Variants in PTPN13 observed in about 807,000 individuals in gnomAD.
The protein encoded by PTPN13 is tyrosine-protein phosphatase non-receptor type 13.
Under a neutral mutation model 284.0 loss-of-function variants are expected in PTPN13, and 191 were observed. That is an observed-to-expected ratio of 0.67 (90% CI 0.60 to 0.76). The LOEUF (loss-of-function observed/expected upper bound fraction) is 0.76. PTPN13 is among the 30% of genes least tolerant of loss of function. The pLI, the probability that PTPN13 is intolerant of heterozygous loss-of-function variation, is 0.00. For synonymous variants in PTPN13, 986 were observed against 1,022.3 expected (o/e 0.96, Z 0.68); for missense variants, 2,797 against 2,939.9 (o/e 0.95, Z 1.12).
chr4:86,722,743 T>A (rs1418813424), intron 10 of PTPN13, among the ~76,000 whole-genome samples: 2 of 152,202 alleles, frequency 1.3e-5, no homozygotes, highest in Non-Finnish European at 2.9e-5. Flanking sequence ...GGGATTATTT[T>A]TTCATATTAA....
chr4:86,700,338 A>T (rs971969461), intron 6 of PTPN13, among the ~76,000 whole-genome samples: 1 of 152,140 alleles, frequency 6.6e-6, no homozygotes, highest in Non-Finnish European at 1.5e-5. Flanking sequence ...TGAGTTAGTG[A>T]CTATAAAATA....
At chr4:86,662,529 G>T (rs1044033675) in intron 2 of PTPN13, among the ~76,000 whole-genome samples, 10 of 152,026 alleles carry the variant, frequency 6.6e-5, no homozygotes, top group Non-Finnish European at 1.5e-4. Flanking sequence ...ATGGGATTTT[G>T]CCATGCTGGC....
At chr4:86,596,104 T>TAA (rs1184446606) in intron 1 of PTPN13, among the ~76,000 whole-genome samples, 1 of 152,246 alleles carries the variant, frequency 6.6e-6, no homozygotes, top group African/African-American at 2.4e-5. Flanking sequence ...ACTTTGTTCA[T>TAA]AACATTGTGT....
intron 16 of PTPN13, among the ~76,000 whole-genome samples, chr4:86,742,605 C>A (rs529171168): frequency 2.6e-5 from 4 of 152,248 alleles, no homozygotes; most frequent in African/African-American, 9.6e-5. Context: ...AACCCTGAGA[C>A]CATTCCTAGA....
At chr4:86,651,666 A>G (rs114780014) in intron 2 of PTPN13, among the ~76,000 whole-genome samples, 2,543 of 151,998 alleles carry the variant, frequency 0.017, 29 homozygotes, top group South Asian at 0.035. Flanking sequence ...ATTACTTGTT[A>G]TTGGTCTATT....
intron 20 of PTPN13, among the ~76,000 whole-genome samples, chr4:86,754,572 C>T (rs931312056): frequency 2.6e-5 from 4 of 151,862 alleles, no homozygotes; most frequent in African/African-American, 4.8e-5. Flanking sequence ...GTGGTAGAGC[C>T]GTGATTTGAA....
chr4:86,632,737 G>A (rs984453859), intron 1 of PTPN13, among the ~76,000 whole-genome samples: 11 of 150,866 alleles, frequency 7.3e-5, no homozygotes, highest in African/African-American at 2.7e-4. Flanking sequence ...ACTTCAGGTG[G>A]AACTCTGGGT....
chr4:86,727,890 C>A (rs1734464972), intron 10 of PTPN13, among the ~76,000 whole-genome samples: 1 of 149,230 alleles, frequency 6.7e-6, no homozygotes, highest in South Asian at 2.1e-4. Flanking sequence ...TTCTCTAGTT[C>A]TTTTAATTGT....
At chr4:86,758,829 A>G (rs1200888232) in intron 22 of PTPN13, 44 bp downstream of exon 22, 4 of 1,596,706 alleles carry the variant, frequency 2.5e-6, no homozygotes, top group African/African-American at 2.7e-5. Context: ...TCTGACAGGC[A>G]TGAATTTAGG....
chr4:86,807,169 G>C (rs865904901), intron 44 of PTPN13, among the ~76,000 whole-genome samples: 5 of 152,146 alleles, frequency 3.3e-5, no homozygotes, highest in African/African-American at 1.2e-4. Context: ...GCCTTTCAGT[G>C]CTATTATTAT....
At chr4:86,781,320 A>G (rs1741277743) in intron 36 of PTPN13, among the ~76,000 whole-genome samples, 1 of 152,162 alleles carries the variant, frequency 6.6e-6, no homozygotes, top group South Asian at 2.1e-4. Flanking sequence ...CAGTCTCTTG[A>G]AAATATAATT....
intron 15 of PTPN13, among the ~76,000 whole-genome samples, chr4:86,738,756 C>T (rs1177077412): frequency 6.6e-6 from 1 of 152,294 alleles, no homozygotes. Flanking sequence ...TCTTGGCTCA[C>T]TGCAGCCTCC....
At chr4:86,636,161 A>G (rs1472713744) in intron 2 of PTPN13, among the ~76,000 whole-genome samples, 1 of 152,128 alleles carries the variant, frequency 6.6e-6, no homozygotes, top group Admixed American at 6.5e-5. Context: ...AAGAAAAGTT[A>G]ACCAGGTGAG....
At chr4:86,770,647 G>C (rs1739883399) in intron 30 of PTPN13, among the ~76,000 whole-genome samples, 1 of 152,108 alleles carries the variant, frequency 6.6e-6, no homozygotes, top group Non-Finnish European at 1.5e-5. Context: ...GTATAAGTTG[G>C]TATCAGTTTT....
At position 86,774,478 on chromosome 4, in the gene PTPN13, C is replaced by T; in HGVS notation, c.5455C>T (p.Gln1819Ter). The change falls in exon 33 of 48, where the codon CAG (glutamine) becomes TAG (stop). Residue 1819 changes from glutamine (Q) to a stop codon, truncating the protein, a stop_gained. Coordinates refer to ENST00000411767, the MANE Select transcript of PTPN13 (RefSeq NM_080683.3). LOFTEE classifies it high-confidence loss of function. ...TGGTTGTTATGTTCATGATGTCATA[C>T]AGGATCCAGCCAAAAGTGATGGAAG... is the stretch of plus-strand genomic sequence containing the variant. ...RIGCYVHDVIQDPAKSDGRLK... is the reference protein window; with the variant it reads ...RIGCYVHDVI 1.2e-6 allele frequency: 2 copies of T among 1,605,326 alleles called. No individual in the cohort carries two copies. The highest frequency in any genetic ancestry group is 1.7e-6 in the Non-Finnish European group (2 of 1,175,560).
intron 2 of PTPN13, among the ~76,000 whole-genome samples, chr4:86,655,830 A>G (rs998275885): frequency 2.8e-4 from 43 of 152,214 alleles, no homozygotes; most frequent in African/African-American, 9.2e-4. Context: ...AATATCCTGC[A>G]GAGTGTTTTC....
intron 1 of PTPN13, among the ~76,000 whole-genome samples, chr4:86,598,484 A>G (rs1764021679): frequency 6.6e-6 from 1 of 152,026 alleles, no homozygotes; most frequent in East Asian, 1.9e-4. Flanking sequence ...ATATGTGCAA[A>G]TGTGGTTTAA....
chr4:86,647,007 A>T (rs184895335), intron 2 of PTPN13, among the ~76,000 whole-genome samples: 2 of 152,348 alleles, frequency 1.3e-5, no homozygotes, highest in Admixed American at 1.3e-4. Flanking sequence ...ATTCTAAAGC[A>T]TACAAACTAA....
intron 2 of PTPN13, among the ~76,000 whole-genome samples, chr4:86,650,333 A>G (rs1302188196): frequency 2.0e-5 from 3 of 149,920 alleles, no homozygotes; most frequent in Admixed American, 1.3e-4. Flanking sequence ...TCGTTTCAAG[A>G]TGGGGTCTCA....
Sources: allele counts gnomAD v4.1 joint callset (sites outside exome capture counted in the v4.1 genomes callset), GRCh38; gene constraint gnomAD v4.1.1; transcripts MANE v1.5; gene names NCBI Gene and HGNC (gene_info 2026-07-23, HGNC 2026-07-21).